The following CTNNAL1 variants were observed in gnomAD, a reference collection of about 807,000 sequenced individuals.
CTNNAL1 encodes the protein catenin alpha like 1.
In CTNNAL1, 69 loss-of-function variants were observed where a neutral mutation model predicts 93.6. The observed-to-expected ratio is 0.74, with a 90% CI of 0.61 to 0.90. CTNNAL1 has a LOEUF of 0.90. CTNNAL1 is among the 40% of genes least tolerant of loss of function. The pLI, the probability that CTNNAL1 is intolerant of heterozygous loss-of-function variation, is 0.00. For synonymous variants in CTNNAL1, 286 were observed against 305.4 expected, an observed-to-expected ratio of 0.94 and a Z score of 0.66; for missense variants, 836 against 862.0, an observed-to-expected ratio of 0.97 and a Z score of 0.38.
chr9:108,971,006 T>A (rs1408715238), intron 9 of CTNNAL1, among the ~76,000 whole-genome samples: 1 of 152,102 alleles, frequency 6.6e-6, no homozygotes, highest in African/African-American at 2.4e-5. Flanking sequence ...TCTTGACGCT[T>A]AAAACAGAAA....
intron 8 of CTNNAL1, among the ~76,000 whole-genome samples, chr9:108,973,269 TAA>T (rs1472280610): frequency 3.3e-5 from 5 of 152,220 alleles, no homozygotes; most frequent in African/African-American, 1.2e-4. Context: ...GAAACAGTAT[TAA>T]GAGTATTAAG....
chr9:108,966,559 G>T (rs10979630), intron 10 of CTNNAL1, among the ~76,000 whole-genome samples: 2,660 of 152,234 alleles, frequency 0.017, 42 homozygotes, highest in East Asian at 0.1. Context: ...GGGACTTTGA[G>T]GTCCTGAGGG....
chr9:108,943,773 T>C lies in CTNNAL1; in HGVS notation c.1985A>G (p.Lys662Arg), dbSNP rs758303330. 4 of 1,613,940 alleles carry C rather than the reference T, an allele frequency of 2.5e-6. No homozygotes were observed. Among genetic ancestry groups the C allele is most frequent in the Non-Finnish European group, 8.5e-7 (1 of 1,179,906 alleles). Reference sequence around the variant, plus strand: ...GAGCTGGTGGCATAGAGGAATTAGCTTGTTTATTTCCAGGAGAAGCATAAG... The same window carrying C: ...GAGCTGGTGGCATAGAGGAATTAGCCTGTTTATTTCCAGGAGAAGCATAAG... ...DKLMLLLEIN[K>R]LIPLCHQLQT... The change falls in exon 17 of 19, where the codon AAG becomes AGG. Residue 662 changes from lysine to arginine, a missense_variant. Lys to Arg is a conservative substitution (Grantham distance 26). Coordinates refer to ENST00000325551, the MANE Select transcript of CTNNAL1 (RefSeq NM_003798.4).
chr9:108,975,753 A>G lies in CTNNAL1; in HGVS notation c.1188+1209T>C, dbSNP rs1019375186. Among the ~76,000 whole-genome samples, 7 of 152,212 alleles carry G rather than the reference A, an allele frequency of 4.6e-5. 1 individual carries two copies. The highest frequency in any genetic ancestry group is 1.0e-4 in the Non-Finnish European group (7 of 68,036). Reference sequence around the variant, plus strand: ...CCAGAGAGTAAATATTTTAGGCCCTATTGTGACTATCCAACTCTGCTGTTG... The same window carrying G: ...CCAGAGAGTAAATATTTTAGGCCCTGTTGTGACTATCCAACTCTGCTGTTG... On this transcript the variant is annotated intron_variant, in intron 8 of 18. Coordinates refer to ENST00000325551, the MANE Select transcript of CTNNAL1 (RefSeq NM_003798.4).
chr9:109,007,290 A>G (rs1022038490), intron 1 of CTNNAL1, among the ~76,000 whole-genome samples: 10 of 152,182 alleles, frequency 6.6e-5, no homozygotes, highest in African/African-American at 2.4e-4. Flanking sequence ...CAAATCAGCA[A>G]AGAGCAGAGA....
At chr9:108,988,268 G>A (rs1044000948) in intron 4 of CTNNAL1, among the ~76,000 whole-genome samples, 16 of 152,102 alleles carry the variant, frequency 1.1e-4, no homozygotes, top group South Asian at 2.1e-4. Flanking sequence ...ATTTTTAGAA[G>A]AGATGGGGTT....
intron 2 of CTNNAL1, among the ~76,000 whole-genome samples, chr9:108,995,505 G>A (rs1017126612): frequency 6.6e-6 from 1 of 152,136 alleles, no homozygotes; most frequent in Admixed American, 6.5e-5. Flanking sequence ...TGTTCAAAGT[G>A]TAAACTGTTC....
intron 12 of CTNNAL1, among the ~76,000 whole-genome samples, chr9:108,953,770 A>T (rs1830624492): frequency 6.6e-6 from 1 of 152,098 alleles, no homozygotes; most frequent in Admixed American, 6.6e-5. Context: ...GGTGAAGTTG[A>T]AGGACAGAAA....
At chr9:108,968,914 T>C (rs187871977) in intron 10 of CTNNAL1, among the ~76,000 whole-genome samples, 38 of 151,662 alleles carry the variant, frequency 2.5e-4, no homozygotes, top group African/African-American at 8.7e-4. Flanking sequence ...AAAATATAAA[T>C]AATATTTAAA....
intron 1 of CTNNAL1, 91 bp from the exon 2 acceptor site, chr9:108,999,347 C>G: frequency 8.0e-7 from 1 of 1,244,078 alleles, no homozygotes; most frequent in Admixed American, 2.6e-5. Flanking sequence ...GCCTGGCATA[C>G]TGTATAGCTC....
Position 108,984,449 on chromosome 9 carries a change from T to C in CTNNAL1, c.640-13A>G. 1 of 1,519,492 alleles carries C rather than the reference T, an allele frequency of 6.6e-7. No homozygotes were observed. The highest frequency in any genetic ancestry group is 9.1e-7 in the Non-Finnish European group (1 of 1,096,496). The allele number at this position is 1,519,492 out of a possible 1,614,324, so 94.1% of individuals were successfully genotyped here. On this transcript the variant is annotated splice_polypyrimidine_tract_variant and intron_variant, in intron 4 of 18. Coordinates refer to ENST00000325551, the MANE Select transcript of CTNNAL1 (RefSeq NM_003798.4). Reference sequence around the variant, plus strand: ...CATCTTTCAAATCCTAAATATGAAATAAAATCACGGAGGAGTCTAAGACCA... The same window carrying C: ...CATCTTTCAAATCCTAAATATGAAACAAAATCACGGAGGAGTCTAAGACCA...
chr9:108,976,488 A>G (rs1831268085), intron 8 of CTNNAL1, among the ~76,000 whole-genome samples: 1 of 152,194 alleles, frequency 6.6e-6, no homozygotes, highest in Non-Finnish European at 1.5e-5. Flanking sequence ...TGATGGCATT[A>G]ATAAAATCAT....
At chr9:108,972,272 A>G (rs563466915) in intron 9 of CTNNAL1, among the ~76,000 whole-genome samples, 2 of 152,260 alleles carry the variant, frequency 1.3e-5, no homozygotes, top group African/African-American at 4.8e-5. Flanking sequence ...GGTTTCCCCC[A>G]TGCCCTGTCT....
At chr9:108,950,017 A>C (rs1211725612) in intron 14 of CTNNAL1, among the ~76,000 whole-genome samples, 1 of 141,122 alleles carries the variant, frequency 7.1e-6, no homozygotes. Context: ...GAGCAAGGCT[A>C]CATCTCAAAA....
chr9:108,948,293 T>A, intron 14 of CTNNAL1, 59 bp from the exon 15 acceptor site: 1 of 1,516,340 alleles, frequency 6.6e-7, no homozygotes. Context: ...AAATTGACTT[T>A]ATAATATTAA....
intron 4 of CTNNAL1, among the ~76,000 whole-genome samples, chr9:108,988,189 T>G (rs1304857302): frequency 6.6e-6 from 1 of 152,200 alleles, no homozygotes; most frequent in Non-Finnish European, 1.5e-5. Flanking sequence ...GTTCAAGTAA[T>G]TCTTGTGCCT....
At chr9:108,961,535 G>T (rs1046600946) in intron 11 of CTNNAL1, among the ~76,000 whole-genome samples, 1 of 152,136 alleles carries the variant, frequency 6.6e-6, no homozygotes, top group African/African-American at 2.4e-5. Flanking sequence ...CGTTTCCCAC[G>T]TAAGAAGGAA....
chr9:108,999,740 G>C (rs1439436400), intron 1 of CTNNAL1, among the ~76,000 whole-genome samples: 1 of 152,108 alleles, frequency 6.6e-6, no homozygotes, highest in Non-Finnish European at 1.5e-5. Context: ...AAATTAACTA[G>C]ATACTTTAGA....
intron 1 of CTNNAL1, among the ~76,000 whole-genome samples, chr9:109,004,172 G>A (rs946145215): frequency 6.6e-6 from 1 of 152,136 alleles, no homozygotes; most frequent in Non-Finnish European, 1.5e-5. Context: ...TAAGGAAACT[G>A]ATGCTCAAAG....
Sources: gnomAD v4.1 joint callset for allele counts (sites outside exome capture counted in the v4.1 genomes callset) on GRCh38, gnomAD v4.1.1 for gene constraint, MANE v1.5 for transcripts, NCBI Gene and HGNC (gene_info 2026-07-23, HGNC 2026-07-21) for gene names.